MEIS2: variants seen among roughly 807,000 people sequenced by gnomAD.
The protein encoded by MEIS2 is Meis homeobox 2, also known as homeobox protein Meis2.
MEIS2 carries 9 observed loss-of-function variants against 58.6 expected under a neutral mutation model. The observed-to-expected ratio is 0.15, with a 90% CI of 0.09 to 0.27. MEIS2 has a LOEUF of 0.27. Among genes scored for constraint, MEIS2 ranks in the 10% least tolerant of loss-of-function variants. The probability of loss-of-function intolerance (pLI) is 1.00; values close to 1 mark genes in which losing one functional copy is unlikely to be tolerated. For synonymous variants in MEIS2, 221 were observed against 228.4 expected, an observed-to-expected ratio of 0.97 and a Z score of 0.29; for missense variants, 427 against 635.0, an observed-to-expected ratio of 0.67 and a Z score of 3.52.
chr15:36,988,495 C>A (rs2060164797), intron 8 of MEIS2, among the ~76,000 whole-genome samples: 2 of 152,130 alleles, frequency 1.3e-5, no homozygotes. Context: ...TTACAAGGGT[C>A]CTCTCTAGAC....
intron 9 of MEIS2, among the ~76,000 whole-genome samples, chr15:36,931,340 G>A (rs1251043689): frequency 1.3e-5 from 2 of 152,300 alleles, no homozygotes; most frequent in South Asian, 4.1e-4. Flanking sequence ...ATCTGAGGCT[G>A]ACATTACTTC....
chr15:36,931,085 C>T (rs2057959411), intron 9 of MEIS2, among the ~76,000 whole-genome samples: 1 of 152,102 alleles, frequency 6.6e-6, no homozygotes. Flanking sequence ...AGAAAATTTC[C>T]TTTCACTAGT....
intron 7 of MEIS2, among the ~76,000 whole-genome samples, chr15:37,037,858 C>T (rs2062229087): frequency 6.6e-6 from 1 of 152,172 alleles, no homozygotes; most frequent in Admixed American, 6.5e-5. Context: ...CATATCCCTA[C>T]ATTAATATTT....
chr15:36,892,504 A>G, intron 11 of MEIS2, 45 bp from the exon 12 acceptor site: 1 of 1,422,336 alleles, frequency 7.0e-7, no homozygotes, highest in Non-Finnish European at 9.7e-7. Context: ...ATTCCTAAAC[A>G]TTTTTATACT....
chr15:37,097,586 G>A (rs935985097), intron 2 of MEIS2, among the ~76,000 whole-genome samples: 11 of 152,184 alleles, frequency 7.2e-5, no homozygotes, highest in South Asian at 2.1e-4. Context: ...AAAACCCAAA[G>A]TTGCTTCTCA....
At chr15:37,009,032 G>A (rs749983135) in intron 8 of MEIS2, among the ~76,000 whole-genome samples, 10 of 152,232 alleles carry the variant, frequency 6.6e-5, no homozygotes, top group Admixed American at 1.3e-4. Flanking sequence ...GCTTACGCCT[G>A]TAATCCCAGC....
At chr15:37,078,185 A>G (rs2141896383) in intron 7 of MEIS2, among the ~76,000 whole-genome samples, 1 of 152,186 alleles carries the variant, frequency 6.6e-6, no homozygotes, top group African/African-American at 2.4e-5. Context: ...ACAATTAGAA[A>G]GATCATGGCT....
chr15:37,003,232 A>G (rs2060798713), intron 8 of MEIS2, among the ~76,000 whole-genome samples: 1 of 152,012 alleles, frequency 6.6e-6, no homozygotes, highest in Admixed American at 6.6e-5. Context: ...AGACTCTGCC[A>G]TAGACTCTGT....
intron 8 of MEIS2, among the ~76,000 whole-genome samples, chr15:36,963,230 T>A (rs940070690): frequency 1.3e-5 from 2 of 151,646 alleles, no homozygotes; most frequent in Admixed American, 1.3e-4. Context: ...CAAAAAAAAA[T>A]TTAGCCGGGC....
chr15:37,053,610 C>T lies in MEIS2; in HGVS notation c.755-16651G>A, dbSNP rs113675436. ...TTCTCAAGCAAATTTCCCAAAACTG[C>T]TGTATTATTTGGGAGAAAAAATTCT... On this transcript the variant is annotated intron_variant, in intron 7 of 11. Transcript: ENST00000561208. Among the ~76,000 whole-genome samples, 527 of 152,116 alleles carry T rather than the reference C, an allele frequency of 3.5e-3. 3 individuals are homozygous for T. Among genetic ancestry groups the T allele is most frequent in the African/African-American group, 0.012 (496 of 41,502 alleles).
chr15:37,016,571 AC>A (rs1488384433), intron 8 of MEIS2, among the ~76,000 whole-genome samples: 1 of 152,122 alleles, frequency 6.6e-6, no homozygotes, highest in African/African-American at 2.4e-5. Flanking sequence ...GTCTGCCAGA[AC>A]CCAGGGCCCA....
intron 8 of MEIS2, among the ~76,000 whole-genome samples, chr15:36,978,626 C>A (rs2059834526): frequency 6.6e-6 from 1 of 152,182 alleles, no homozygotes; most frequent in Non-Finnish European, 1.5e-5. Context: ...AATCTACCAT[C>A]CAGAAAGGGC....
At chr15:37,085,547 A>G (rs1266444066) in intron 6 of MEIS2, among the ~76,000 whole-genome samples, 1 of 152,222 alleles carries the variant, frequency 6.6e-6, no homozygotes, top group South Asian at 2.1e-4. Flanking sequence ...TAGATTATGA[A>G]ATAATAATCC....
chr15:36,907,326 A>G (rs1188282823), intron 9 of MEIS2, among the ~76,000 whole-genome samples: 1 of 152,088 alleles, frequency 6.6e-6, no homozygotes, highest in African/African-American at 2.4e-5. Context: ...ATAGCACTTC[A>G]CCCAAAATGG....
intron 9 of MEIS2, among the ~76,000 whole-genome samples, chr15:36,932,745 T>C (rs1244842741): frequency 6.6e-6 from 1 of 152,140 alleles, no homozygotes; most frequent in African/African-American, 2.4e-5. Context: ...TTCATTACAT[T>C]GTCAGAGAAG....
At chr15:37,098,735 G>A (rs1226530190) in intron 1 of MEIS2, among the ~76,000 whole-genome samples, 7 of 151,980 alleles carry the variant, frequency 4.6e-5, no homozygotes. Flanking sequence ...ACCCCCCTTC[G>A]CCTCCTCTGA....
intron 9 of MEIS2, among the ~76,000 whole-genome samples, chr15:36,916,948 T>C (rs2057305121): frequency 6.6e-6 from 1 of 152,174 alleles, no homozygotes. Flanking sequence ...ATAATATGCC[T>C]AAATTCACCA....
intron 2 of MEIS2, chr15:37,097,459 G>A (rs1014715561): frequency 6.5e-6 from 1 of 153,864 alleles, no homozygotes; most frequent in Non-Finnish European, 1.4e-5. Flanking sequence ...AGAGAATTAA[G>A]AAGTGGGTGA....
chr15:36,903,139 T>G (rs909400171), intron 9 of MEIS2, among the ~76,000 whole-genome samples: 1 of 152,224 alleles, frequency 6.6e-6, no homozygotes, highest in Non-Finnish European at 1.5e-5. Context: ...CTTTACAATA[T>G]TGAGCAACAG....
Sources: allele counts gnomAD v4.1 joint callset (sites outside exome capture counted in the v4.1 genomes callset), GRCh38; gene constraint gnomAD v4.1.1; transcripts MANE v1.5; gene names NCBI Gene and HGNC (gene_info 2026-07-23, HGNC 2026-07-21).